Variants in SLC7A14 observed in about 807,000 individuals in gnomAD.
SLC7A14 encodes the protein solute carrier family 7 member 14.
In SLC7A14, 37 loss-of-function variants were observed where a neutral mutation model predicts 60.2. The ratio of observed to expected loss-of-function variants is 0.61; its 90% CI spans 0.47 to 0.81. The LOEUF (loss-of-function observed/expected upper bound fraction) is 0.81, where lower values mean the gene tolerates loss of function less well. Ranked by LOEUF, SLC7A14 falls within the 30% of genes least tolerant of loss-of-function variation. SLC7A14 has a pLI of 0.00. For synonymous variants in SLC7A14, 399 were observed against 395.8 expected (o/e 1.01, Z -0.10); for missense variants, 886 against 982.7 (o/e 0.90, Z 1.32).
intron 1 of SLC7A14, among the ~76,000 whole-genome samples, chr3:170,530,938 T>C (rs1161152500): frequency 1.3e-5 from 2 of 152,166 alleles, no homozygotes; most frequent in Non-Finnish European, 2.9e-5. Flanking sequence ...TCATGCCCGC[T>C]TTTGAGGGGT....
At chr3:170,485,898 G>A (rs367986205) in intron 5 of SLC7A14, among the ~76,000 whole-genome samples, 7 of 152,100 alleles carry the variant, frequency 4.6e-5, no homozygotes, top group Non-Finnish European at 7.4e-5. Context: ...ACATCCACCC[G>A]TTACTGCCAG....
intron 4 of SLC7A14, 139 bp downstream of exon 4, chr3:170,498,528 T>A: frequency 1.4e-6 from 1 of 716,312 alleles, no homozygotes; most frequent in Non-Finnish European, 2.3e-6. Context: ...CCAACTAAAT[T>A]AAGATCAAAA....
At chr3:170,477,254 G>C (rs949154913) in intron 7 of SLC7A14, among the ~76,000 whole-genome samples, 6 of 152,334 alleles carry the variant, frequency 3.9e-5, no homozygotes, top group African/African-American at 1.4e-4. Flanking sequence ...TAACTTCTTG[G>C]AGGTTCAGTT....
intron 1 of SLC7A14, among the ~76,000 whole-genome samples, chr3:170,542,788 C>T (rs772421190): frequency 5.9e-5 from 9 of 152,118 alleles, no homozygotes; most frequent in Admixed American, 2.0e-4. Context: ...AAAAGATCTT[C>T]GGAAGGACAT....
intron 1 of SLC7A14, among the ~76,000 whole-genome samples, chr3:170,528,119 T>G (rs796524957): frequency 3.9e-5 from 6 of 152,316 alleles, no homozygotes; most frequent in African/African-American, 1.4e-4. Context: ...TGCAAGCATT[T>G]GACACCGTCA....
chr3:170,512,370 T>TG (rs1380613621), intron 2 of SLC7A14, among the ~76,000 whole-genome samples: 5 of 152,082 alleles, frequency 3.3e-5, no homozygotes, highest in South Asian at 2.1e-4. Context: ...CCATTCTCTC[T>TG]GGGGGGCCTT....
intron 7 of SLC7A14, among the ~76,000 whole-genome samples, chr3:170,470,336 G>GTGTGTGTGTGTGTGTA (rs1235912669): frequency 6.6e-6 from 1 of 151,128 alleles, no homozygotes; most frequent in Admixed American, 6.6e-5. Flanking sequence ...GTGTGTGTGT[G>GTGTGTGTGTGTGTGTA]TGTATGTGTG....
In SLC7A14 at chr3:170,501,342, A is replaced by G. The variant is rs753080198; in HGVS notation, c.308T>C (p.Val103Ala). ...IAAVASILSG[V>A]CYAEFGVRVP... ...TCGAACTCCAAACTCTGCATAGCAG[A>G]CGCCTGCAAGGGACAGACATACACA... Residue 103 changes from valine (V) to alanine (A), a missense_variant, in exon 3 of 8, where the codon GTC (valine) becomes GCC (alanine). Coordinates refer to ENST00000231706, the MANE Select transcript of SLC7A14 (RefSeq NM_020949.3). 26 of 1,613,920 alleles carry G rather than the reference A, an allele frequency of 1.6e-5. No homozygotes were observed. The highest frequency in any genetic ancestry group is 6.6e-5 in the South Asian group (6 of 91,068).
chr3:170,514,928 G>A (rs1713102781), intron 2 of SLC7A14, among the ~76,000 whole-genome samples: 1 of 152,182 alleles, frequency 6.6e-6, no homozygotes, highest in African/African-American at 2.4e-5. Flanking sequence ...TGCAGAAACT[G>A]TTATAATTTC....
intron 7 of SLC7A14, among the ~76,000 whole-genome samples, chr3:170,472,204 T>TA (rs79249959): frequency 1.2e-3 from 170 of 137,606 alleles, no homozygotes; most frequent in African/African-American, 2.3e-3. Flanking sequence ...CCCCGTCTAC[T>TA]AAAAAAAAAA....
intron 7 of SLC7A14, among the ~76,000 whole-genome samples, chr3:170,469,851 C>T (rs1191827892): frequency 6.6e-6 from 1 of 152,020 alleles, no homozygotes; most frequent in African/African-American, 2.4e-5. Flanking sequence ...TTTTTCTTTT[C>T]CCTTTGCCCC....
At chr3:170,583,032 C>T (rs1189938026) in intron 1 of SLC7A14, among the ~76,000 whole-genome samples, 1 of 152,142 alleles carries the variant, frequency 6.6e-6, no homozygotes, top group Non-Finnish European at 1.5e-5. Context: ...ATATGATAAG[C>T]ATTTCATAGA....
At chr3:170,560,204 A>G (rs1194797952) in intron 1 of SLC7A14, among the ~76,000 whole-genome samples, 1 of 152,214 alleles carries the variant, frequency 6.6e-6, no homozygotes, top group African/African-American at 2.4e-5. Flanking sequence ...TCTTAAGTTT[A>G]GAATTCTGTC....
At chr3:170,470,731 G>A (rs1047136979) in intron 7 of SLC7A14, among the ~76,000 whole-genome samples, 2 of 150,998 alleles carry the variant, frequency 1.3e-5, no homozygotes, top group East Asian at 4.0e-4. Context: ...TGAAGGGAGG[G>A]AGGGAGGGAG....
chr3:170,578,313 C>G (rs1483399118), intron 1 of SLC7A14, among the ~76,000 whole-genome samples: 3 of 152,236 alleles, frequency 2.0e-5, no homozygotes, highest in African/African-American at 7.2e-5. Context: ...AGCCATCTTA[C>G]AGAAAGACAA....
At chr3:170,481,483 C>T (rs1711821820) in intron 6 of SLC7A14, among the ~76,000 whole-genome samples, 1 of 151,102 alleles carries the variant, frequency 6.6e-6, no homozygotes, top group Non-Finnish European at 1.5e-5. Flanking sequence ...CTCACTGCAA[C>T]CTCCACCTCC....
chr3:170,558,787 C>G (rs1430081571), intron 1 of SLC7A14, among the ~76,000 whole-genome samples: 4 of 152,200 alleles, frequency 2.6e-5, no homozygotes. Flanking sequence ...AGCTGGATTT[C>G]AATGACTGGA....
Position 170,464,588 on chromosome 3 carries a change from G to A in SLC7A14, c.*2467C>T, listed in dbSNP as rs957857299. The A allele has an allele frequency of 1.3e-5, 2 of 152,128 alleles. No homozygotes were observed. The highest frequency in any genetic ancestry group is 6.5e-5 in the Admixed American group (1 of 15,272). 9.4% of individuals were successfully genotyped at this position (152,128 alleles called of 1,614,324 possible). On this transcript the variant is annotated 3_prime_UTR_variant, in exon 8 of 8. Transcript: ENST00000231706. ...TTAAAACTAAGGTTGCTAGGGAGGT[G>A]ATTTATCAACTTTAGAAAAATAAAG...
At chr3:170,502,338 A>C (rs1042737178) in intron 2 of SLC7A14, among the ~76,000 whole-genome samples, 3 of 152,244 alleles carry the variant, frequency 2.0e-5, no homozygotes, top group African/African-American at 7.2e-5. Context: ...CCAGTTCCCA[A>C]GGTAATACAT....
Sources: gnomAD v4.1 joint callset for allele counts (sites outside exome capture counted in the v4.1 genomes callset) on GRCh38, gnomAD v4.1.1 for gene constraint, MANE v1.5 for transcripts, NCBI Gene and HGNC (gene_info 2026-07-23, HGNC 2026-07-21) for gene names.